Variants in MUC5B observed in about 807,000 individuals in gnomAD.
MUC5B encodes the protein mucin-5B.
A neutral mutation model predicts 376.9 loss-of-function variants in MUC5B; 116 were observed. The ratio of observed to expected loss-of-function variants is 0.31; its 90% CI spans 0.26 to 0.36. The LOEUF is 0.36. Among genes scored for constraint, MUC5B ranks in the 10% least tolerant of loss-of-function variants. The pLI is 1.00. For synonymous variants in MUC5B, 3,517 were observed against 3,390.9 expected (o/e 1.04, Z -1.29); for missense variants, 7,165 against 7,769.9 (o/e 0.92, Z 2.93).
rs750420840 is a variant in MUC5B, at chr11:1,251,616, C to G, written c.14736C>G (p.Ser4912Arg). ...GCACCCCTGCAGTGCTCCCCAGCAG[C>G]CTGCCAACCTTCAGCGTGTCCACTG... ...TTRTPAVLPS[S>R]LPTFSVSTVS... Residue 4912 changes from serine to arginine, a missense_variant, in exon 31 of 49, where the codon AGC (serine) becomes AGG (arginine). By Grantham distance (110) the Ser-to-Arg change is moderately radical (BLOSUM62 -1). This residue lies in a region of MUC5B where 730 missense variants were observed against 592.7 expected (regional missense o/e 1.23). Coordinates refer to ENST00000529681, the MANE Select transcript of MUC5B (RefSeq NM_002458.3). 19 of 1,612,952 alleles carry G rather than the reference C, an allele frequency of 1.2e-5. No individual in the cohort carries two copies. The South Asian group carries it at 1.4e-4, about 12-fold the overall frequency.
chr11:1,252,429 G>A lies in MUC5B; in HGVS notation c.14950G>A (p.Gly4984Ser), dbSNP rs201837436. ...GCACTGTGACATTGACCGCTTCCAG[G>A]GCGCCTGTCCCACCTCCCCACCGCC... The part of the protein sequence containing the change: ...NQHCDIDRFQ[G>S]ACPTSPPPVS... Residue 4984 changes from glycine (G) to serine (S), a missense_variant, in exon 32 of 49, where the codon GGC becomes AGC. By Grantham distance (56) the Gly-to-Ser change is moderately conservative (BLOSUM62 0). Coordinates refer to ENST00000529681, the MANE Select transcript of MUC5B (RefSeq NM_002458.3). 90 of 1,611,136 alleles carry A rather than the reference G, an allele frequency of 5.6e-5. 2 individuals carry two copies. In the African/African-American group the frequency reaches 1.1e-3, roughly 20 times the overall value.
Position 1,250,037 on chromosome 11 carries a change from C to T in MUC5B, c.13157C>T (p.Pro4386Leu), listed in dbSNP as rs375241747. 8.1e-5 allele frequency: 130 copies of T among 1,613,168 alleles called. 2 individuals are homozygous for T. Among genetic ancestry groups the T allele is most frequent in the South Asian group, 4.4e-4 (40 of 91,056 alleles). ...TCCACGTCCACCCCCTCCTCCACTC[C>T]GGGGACGACCTGGATCCTCACAGAG... ...TSSTSTPSST[P>L]GTTWILTELT... The change falls in exon 31 of 49, where the codon CCG becomes CTG. Residue 4386 changes from proline (P) to leucine (L), a missense_variant. Around this residue, in one of 31 missense-constraint regions of MUC5B, gnomAD observed 431 missense variants for 390.4 expected, o/e 1.10. Coordinates refer to ENST00000529681, the MANE Select transcript of MUC5B (RefSeq NM_002458.3).
In MUC5B at chr11:1,238,902, T is replaced by A. The variant is rs1208040003; in HGVS notation, c.3329T>A (p.Val1110Glu). 1 of 1,565,988 alleles carries A rather than the reference T, an allele frequency of 6.4e-7. No individual in the cohort carries two copies. The highest frequency in any genetic ancestry group is 1.2e-5 in the South Asian group (1 of 85,230). The change falls in exon 26 of 49, where the codon GTG becomes GAG. Residue 1110 changes from valine (V) to glutamate (E), a missense_variant. Val to Glu is a moderately radical substitution (Grantham distance 121). This residue lies in a region of MUC5B where 143 missense variants were observed against 193.2 expected (regional missense o/e 0.74). Transcript: ENST00000529681. ...VDSTKYYEAC[V>E]NDACACDSGG... is the part of the protein sequence containing the mutation. ...TCCACCAAGTACTACGAGGCCTGCG[T>A]GAACGACGCGTGTGCCTGCGACTCG...
In MUC5B at chr11:1,227,292, C is replaced by G. The variant is rs774276036; in HGVS notation, c.577-16C>G. 5 of 1,606,620 alleles carry G rather than the reference C, an allele frequency of 3.1e-6. No homozygotes were observed. The Admixed American group carries it at 8.4e-5, about 27-fold the overall frequency. On this transcript the variant is annotated splice_polypyrimidine_tract_variant and intron_variant, in intron 5 of 48. Coordinates refer to ENST00000529681, the MANE Select transcript of MUC5B (RefSeq NM_002458.3). ...TCAGAGGTCCTGAGGCTGGAGCTGC[C>G]CCTCCCCACTCTCAGCTGGAGCTGG... is the stretch of plus-strand genomic sequence containing the variant.
rs1274502300 is a variant in MUC5B at position 1,229,664 on chromosome 11, G to A, written c.1103-26G>A. On this transcript the variant is annotated intron_variant, in intron 9 of 48. Coordinates refer to ENST00000529681, the MANE Select transcript of MUC5B (RefSeq NM_002458.3). ...CTTGGTGTCCCCCGTGCATGGGCCG[G>A]CCCTGCCTCACGCCGCGCCCCACAG... 3.3e-6 allele frequency: 5 copies of A among 1,532,572 alleles called. No homozygotes were observed. In the Admixed American group the frequency reaches 9.7e-5, roughly 30 times the overall value. 94.9% of individuals were successfully genotyped at this position (1,532,572 alleles called of 1,614,324 possible).
chr11:1,240,218 G>C lies in MUC5B; in HGVS notation c.3813G>C (p.Gln1271His). ...CTYEDRTYSY[Q>H]DVIYNTTDGL... ...ATGAGGACAGGACCTACAGCTACCAGGACGTCATCTACAACACCACCGATG... is the reference window on the plus strand; with the variant it reads ...ATGAGGACAGGACCTACAGCTACCACGACGTCATCTACAACACCACCGATG... The change falls in exon 30 of 49, where the codon CAG becomes CAC. Residue 1271 changes from glutamine (Q) to histidine (H), a missense_variant. Around this residue, in one of 31 missense-constraint regions of MUC5B, gnomAD observed 517 missense variants for 545.3 expected, o/e 0.95. Transcript: ENST00000529681. The C allele has an allele frequency of 6.2e-7, 1 of 1,612,688 alleles. No homozygotes were observed. Among genetic ancestry groups the C allele is most frequent in the South Asian group, 1.1e-5 (1 of 91,002 alleles).
At position 1,241,916 on chromosome 11, in the gene MUC5B, G is replaced by A. The variant is rs375105459; in HGVS notation, c.5036G>A (p.Gly1679Asp). The change falls in exon 31 of 49, where the codon GGC becomes GAC. Residue 1679 changes from glycine to aspartate, a missense_variant. Gly to Asp is a moderately conservative substitution (Grantham distance 94, BLOSUM62 -1). This residue lies in a region of MUC5B where 897 missense variants were observed against 779.6 expected (regional missense o/e 1.15). Coordinates refer to ENST00000529681, the MANE Select transcript of MUC5B (RefSeq NM_002458.3). ...ACGGGAGGCCCCACGACGCCTGCAG[G>A]CTCCACAGAACCCACTGTCCCAGGG... Reference protein sequence around the residue: ...ATTGGPTTPAGSTEPTVPGVA... With the variant: ...ATTGGPTTPADSTEPTVPGVA... 5.6e-6 allele frequency: 9 copies of A among 1,610,088 alleles called. No individual in the cohort carries two copies. Among genetic ancestry groups the A allele is most frequent in the African/African-American group, 1.3e-5 (1 of 74,912 alleles).
Position 1,239,815 on chromosome 11 carries a change from C to A in MUC5B, c.3600C>A (p.Cys1200Ter). ...LPGLEGCYPK[C>*]PPSQPFFNED... ...CGGCCCTAGGCTGCTACCCGAAGTG[C>A]CCACCCAGCCAGCCCTTCTTCAATG... Residue 1200 changes from cysteine (C) to a stop codon, truncating the protein, a stop_gained, in exon 28 of 49, where the codon TGC becomes TGA. Transcript: ENST00000529681. LOFTEE classifies it high-confidence loss of function. 1 of 1,611,198 alleles carries A rather than the reference C, an allele frequency of 6.2e-7. No homozygotes were observed. The highest frequency in any genetic ancestry group is 8.5e-7 in the Non-Finnish European group (1 of 1,178,922).
intron 23 of MUC5B, 133 bp from the exon 24 acceptor site, chr11:1,236,253 C>T: frequency 1.2e-6 from 1 of 809,530 alleles, no homozygotes; most frequent in South Asian, 2.1e-5. Flanking sequence ...GGACCCAGCT[C>T]ACCCCTAACG....
chr11:1,229,685 C>G lies in MUC5B; in HGVS notation c.1103-5C>G, dbSNP rs1192973744. The G allele has an allele frequency of 6.4e-7, 1 of 1,564,060 alleles. No individual in the cohort carries two copies. The highest frequency in any genetic ancestry group is 1.4e-5 in the African/African-American group (1 of 73,664). Reference sequence around the variant, plus strand: ...GCCGGCCCTGCCTCACGCCGCGCCCCACAGGCACGGTGCTGGATGACATCA... The same window carrying G: ...GCCGGCCCTGCCTCACGCCGCGCCCGACAGGCACGGTGCTGGATGACATCA... On this transcript the variant is annotated splice_region_variant and splice_polypyrimidine_tract_variant and intron_variant, in intron 9 of 48. Coordinates refer to ENST00000529681, the MANE Select transcript of MUC5B (RefSeq NM_002458.3).
rs917566917 is a variant in MUC5B, at chr11:1,227,138, G to C, written c.569G>C (p.Ser190Thr). The change falls in exon 5 of 49, where the codon AGT becomes ACT. Residue 190 changes from serine to threonine, a missense_variant. Transcript: ENST00000529681. ...ACATTCCTGTGGAACGGAGAGGACA[G>C]TGCCCTGGTGAGGAAGCCCCCTCGC... ...VLTFLWNGED[S>T]ALLELDPKYA... is the part of the protein sequence containing the mutation. 5 of 1,610,806 alleles carry C rather than the reference G, an allele frequency of 3.1e-6. No homozygotes were observed. The highest frequency in any genetic ancestry group is 4.2e-6 in the Non-Finnish European group (5 of 1,178,390).
At position 1,261,694 on chromosome 11, in the gene MUC5B, C is replaced by T. The variant is rs776586636; in HGVS notation, c.*86C>T. 107 of 1,310,308 alleles carry T rather than the reference C, an allele frequency of 8.2e-5. No homozygotes were observed. The highest frequency in any genetic ancestry group is 1.0e-4 in the Non-Finnish European group (97 of 938,170). The allele number at this position is 1,310,308 out of a possible 1,614,324, so 81.2% of individuals were successfully genotyped here. A position where few individuals can be genotyped will look rare whatever the true frequency, so the allele number is the denominator to read the frequency against. Reference sequence around the variant, plus strand: ...TCATGAAAACCTTGGGCCTCCTCTGCGGAGCCCCCCGGCCTGTGTGTGGCA... The same window carrying T: ...TCATGAAAACCTTGGGCCTCCTCTGTGGAGCCCCCCGGCCTGTGTGTGGCA... On this transcript the variant is annotated 3_prime_UTR_variant, in exon 49 of 49. Transcript: ENST00000529681.
At position 1,261,698 on chromosome 11, in the gene MUC5B, G is replaced by A. The variant is rs1194691425; in HGVS notation, c.*90G>A. On this transcript the variant is annotated 3_prime_UTR_variant, in exon 49 of 49. Transcript: ENST00000529681. ...GAAAACCTTGGGCCTCCTCTGCGGA[G>A]CCCCCCGGCCTGTGTGTGGCACCCC... The A allele has an allele frequency of 1.1e-5, 14 of 1,313,952 alleles. No individual in the cohort carries two copies. The highest frequency in any genetic ancestry group is 2.0e-5 in the Admixed American group (1 of 50,666). The allele number at this position is 1,313,952 out of a possible 1,614,324, so 81.4% of individuals were successfully genotyped here.
In MUC5B at chr11:1,246,627, G is replaced by T. The variant is rs764446140; in HGVS notation, c.9747G>T (p.Trp3249Cys). Reference sequence around the variant, plus strand: ...CCTCTTCCTCCCTGGGCACCGCCTGGACCCGCCTATCACAGACCACCACAC... The same window carrying T: ...CCTCTTCCTCCCTGGGCACCGCCTGTACCCGCCTATCACAGACCACCACAC... The part of the protein sequence containing the change: ...AIPSSSLGTA[W>C]TRLSQTTTPT... Residue 3249 changes from tryptophan to cysteine, a missense_variant, in exon 31 of 49, where the codon TGG (tryptophan) becomes TGT (cysteine). Coordinates refer to ENST00000529681, the MANE Select transcript of MUC5B (RefSeq NM_002458.3). The T allele has an allele frequency of 1.9e-6, 3 of 1,611,002 alleles. No homozygotes were observed. Among genetic ancestry groups the T allele is most frequent in the Non-Finnish European group, 2.5e-6 (3 of 1,178,938 alleles).
At position 1,250,094 on chromosome 11, in the gene MUC5B, C is replaced by G. The variant is rs1364579325; in HGVS notation, c.13214C>G (p.Thr4405Ser). 5.0e-6 allele frequency: 8 copies of G among 1,595,906 alleles called. No homozygotes were observed. Among genetic ancestry groups the G allele is most frequent in the African/African-American group, 1.3e-5 (1 of 74,376 alleles). Reference protein sequence around the residue: ...LTTAATTTAATGPTATPSSTP... With the variant: ...LTTAATTTAASGPTATPSSTP... ...ACAGCAGCCACTACAACTGCAGCCACTGGCCCCACGGCCACCCCGTCCTCC... is the reference window on the plus strand; with the variant it reads ...ACAGCAGCCACTACAACTGCAGCCAGTGGCCCCACGGCCACCCCGTCCTCC... Residue 4405 changes from threonine to serine, a missense_variant, in exon 31 of 49, where the codon ACT becomes AGT. Coordinates refer to ENST00000529681, the MANE Select transcript of MUC5B (RefSeq NM_002458.3).
rs750346250 is a variant in MUC5B at position 1,230,942 on chromosome 11, C to T, written c.1477C>T (p.Arg493Trp). The T allele has an allele frequency of 2.6e-5, 42 of 1,590,112 alleles. No individual in the cohort carries two copies. Among genetic ancestry groups the T allele is most frequent in the Non-Finnish European group, 2.3e-5 (27 of 1,169,508 alleles). ...LSLDGGDTAI[R>W]VQADGGVFLN... The stretch of plus-strand genomic sequence containing the variant: ...CGCCCGCCTCCTTCCGCAGGCCATC[C>T]GGGTCCAAGCGGACGGCGGCGTGTT... Residue 493 changes from arginine (R) to tryptophan (W), a missense_variant, in exon 13 of 49, where the codon CGG becomes TGG. Transcript: ENST00000529681.
At position 1,229,759 on chromosome 11, in the gene MUC5B, G is replaced by C. The variant is rs1455900889; in HGVS notation, c.1172G>C (p.Gly391Ala). Reference protein sequence around the residue: ...PLGQCPCTHGGRTYSPGTSFN... With the variant: ...PLGQCPCTHGARTYSPGTSFN... The stretch of plus-strand genomic sequence containing the variant: ...GGGCAGTGCCCCTGCACCCACGGCG[G>C]CCGCACCTACAGCCCGGGCACCTCC... The change falls in exon 10 of 49, where the codon GGC becomes GCC. Residue 391 changes from glycine to alanine, a missense_variant. Physicochemically the swap from Gly to Ala is moderately conservative, Grantham distance 60. This residue lies in a region of MUC5B where 640 missense variants were observed against 733.0 expected (regional missense o/e 0.87). Transcript: ENST00000529681. The C allele has an allele frequency of 1.9e-6, 3 of 1,601,816 alleles. No individual in the cohort carries two copies. The East Asian group carries it at 6.8e-5, about 36-fold the overall frequency.
At position 1,235,400 on chromosome 11, in the gene MUC5B, A is replaced by G; in HGVS notation, c.2867A>G (p.Lys956Arg). The change falls in exon 23 of 49, where the codon AAG becomes AGG. Residue 956 changes from lysine to arginine, a missense_variant. By Grantham distance (26) the Lys-to-Arg change is conservative. This residue lies in a region of MUC5B where 530 missense variants were observed against 604.0 expected (regional missense o/e 0.88). Transcript: ENST00000529681. Reference protein sequence around the residue: ...TTGTTCSKAIKLFVESYELIL... With the variant: ...TTGTTCSKAIRLFVESYELIL... The stretch of plus-strand genomic sequence containing the variant: ...GGCACCACCTGCTCCAAGGCCATCA[A>G]GCTCTTCGTGGAGGTGAGAACGGCC... 6.2e-7 allele frequency: 1 copy of G among 1,611,648 alleles called. No homozygotes were observed. The highest frequency in any genetic ancestry group is 8.5e-7 in the Non-Finnish European group (1 of 1,179,600).
Position 1,233,899 on chromosome 11 carries a change from G to A in MUC5B, c.2377+51G>A, listed in dbSNP as rs903534980. On this transcript the variant is annotated intron_variant, in intron 19 of 48. Coordinates refer to ENST00000529681, the MANE Select transcript of MUC5B (RefSeq NM_002458.3). ...GCCCTGCCCCGCCCCGCATCACCCC[G>A]CCTGGCCTGGCCCCAACACGCCCCA... 31 of 1,524,210 alleles carry A rather than the reference G, an allele frequency of 2.0e-5. 1 individual carries two copies. The highest frequency in any genetic ancestry group is 4.5e-4 in the Middle Eastern group (2 of 4,432). 94.4% of individuals were successfully genotyped at this position (1,524,210 alleles called of 1,614,324 possible). A position where few individuals can be genotyped will look rare whatever the true frequency, so the allele number is the denominator to read the frequency against.
Sources: allele counts gnomAD v4.1 joint callset, GRCh38; gene constraint gnomAD v4.1.1; regional missense constraint gnomAD v4.1.1; transcripts MANE v1.5; gene names NCBI Gene and HGNC (gene_info 2026-07-23, HGNC 2026-07-21).